EYS: variants seen among roughly 807,000 people sequenced by gnomAD.
EYS encodes protein eyes shut homolog.
Under a neutral mutation model 282.1 loss-of-function variants are expected in EYS, and 250 were observed. The observed-to-expected ratio is 0.89, with a 90% CI of 0.80 to 0.98. EYS has a LOEUF of 0.98. Among genes scored for constraint, EYS ranks in the 50% least tolerant of loss-of-function variants. EYS has a pLI of 0.00. For missense variants in EYS, 4,016 were observed against 3,709.0 expected (o/e 1.08, Z -2.15); for synonymous variants, 1,355 against 1,282.9 (o/e 1.06, Z -1.20).
intron 29 of EYS, among the ~76,000 whole-genome samples, chr6:64,346,392 G>C (rs980701892): frequency 6.6e-6 from 1 of 152,030 alleles, no homozygotes; most frequent in African/African-American, 2.4e-5. Context: ...ATGAGTTCAT[G>C]TCCTTTGTAG....
At chr6:64,449,443 C>T (rs1434936919) in intron 26 of EYS, among the ~76,000 whole-genome samples, 2 of 151,888 alleles carry the variant, frequency 1.3e-5, no homozygotes, top group Non-Finnish European at 2.9e-5. Flanking sequence ...CAGGATATTA[C>T]CCAGGAGAAC....
At chr6:64,507,410 C>G (rs1266322958) in intron 26 of EYS, among the ~76,000 whole-genome samples, 4 of 150,566 alleles carry the variant, frequency 2.7e-5, no homozygotes, top group Admixed American at 2.0e-4. Flanking sequence ...TTAAATAACT[C>G]AACAACATTT....
chr6:64,837,656 G>A (rs1583209602), intron 19 of EYS, among the ~76,000 whole-genome samples: 1 of 135,738 alleles, frequency 7.4e-6, no homozygotes, highest in Admixed American at 8.2e-5. Flanking sequence ...TATGATATAT[G>A]ATATGTATAT....
intron 36 of EYS, among the ~76,000 whole-genome samples, chr6:63,840,819 G>T (rs1301741747): frequency 6.6e-6 from 1 of 152,188 alleles, no homozygotes; most frequent in Non-Finnish European, 1.5e-5. Context: ...GAATGTCCTT[G>T]CATCTTTGTC....
intron 22 of EYS, among the ~76,000 whole-genome samples, chr6:64,657,158 C>G (rs1165568603): frequency 1.3e-5 from 2 of 152,070 alleles, no homozygotes; most frequent in Non-Finnish European, 2.9e-5. Context: ...TCTGTTTTAT[C>G]AGAGACTAGG....
chr6:64,907,838 T>TA lies in EYS; in HGVS notation c.2641+4645dup, dbSNP rs912454156. On this transcript the variant is annotated intron_variant, in intron 16 of 42. Coordinates refer to ENST00000503581, the MANE Select transcript of EYS (RefSeq NM_001142800.2). ...AGCTTGGGTTGTTCCAAAAATAAAATAAAAAAAAAAGTCTGAGATAATGAT... is the reference window on the plus strand; with the variant it reads ...AGCTTGGGTTGTTCCAAAAATAAAATAAAAAAAAAAAGTCTGAGATAATGAT... Among the ~76,000 whole-genome samples the TA allele has an allele frequency of 6.1e-4, 89 of 146,306 alleles. 2 individuals are homozygous for TA. Among genetic ancestry groups the TA allele is most frequent in the East Asian group, 1.0e-3 (5 of 5,018 alleles).
At chr6:65,311,314 G>A (rs1293135671) in intron 11 of EYS, among the ~76,000 whole-genome samples, 3 of 152,188 alleles carry the variant, frequency 2.0e-5, no homozygotes, top group East Asian at 1.9e-4. Context: ...CTATGTTAAA[G>A]GAGGATAAGT....
At chr6:64,944,659 A>T (rs1290494192) in intron 15 of EYS, among the ~76,000 whole-genome samples, 2 of 152,042 alleles carry the variant, frequency 1.3e-5, no homozygotes, top group South Asian at 2.1e-4. Context: ...TGTGCTGAGG[A>T]GGATTAGTAA....
chr6:64,269,088 G>C (rs889231767), intron 30 of EYS, among the ~76,000 whole-genome samples: 1 of 152,074 alleles, frequency 6.6e-6, no homozygotes. Flanking sequence ...CTTTCAAAGA[G>C]AGCAAAAGGT....
intron 22 of EYS, among the ~76,000 whole-genome samples, chr6:64,703,097 A>G (rs1770845389): frequency 6.6e-6 from 1 of 151,956 alleles, no homozygotes; most frequent in Non-Finnish European, 1.5e-5. Flanking sequence ...TAAGCATTTC[A>G]AGGTTTTATG....
intron 5 of EYS, among the ~76,000 whole-genome samples, chr6:65,466,782 T>G (rs537870566): frequency 6.6e-6 from 1 of 152,134 alleles, no homozygotes; most frequent in South Asian, 2.1e-4. Context: ...GAGGCCACCA[T>G]CCAGAAGAGA....
In EYS at chr6:64,448,191, G is replaced by A. The variant is rs563367776; in HGVS notation, c.5645-8839C>T. ...TGCTTTTCCAATGGGCTTATCAAAC[G>A]GCACACCAGGAGATTATATCCCGCA... On this transcript the variant is annotated intron_variant, in intron 26 of 42. Transcript: ENST00000503581. Among the ~76,000 whole-genome samples the A allele has an allele frequency of 9.8e-5, 15 of 152,310 alleles. No individual in the cohort carries two copies. In the South Asian group the frequency reaches 2.5e-3, roughly 25 times the overall value.
chr6:65,322,812 A>C (rs1769512981), intron 11 of EYS, among the ~76,000 whole-genome samples: 1 of 150,020 alleles, frequency 6.7e-6, no homozygotes, highest in African/African-American at 2.5e-5. Flanking sequence ...AAAAAAAAAA[A>C]AGAAAAAAGA....
intron 35 of EYS, among the ~76,000 whole-genome samples, chr6:63,937,526 G>A (rs1205802291): frequency 1.3e-5 from 2 of 150,520 alleles, no homozygotes; most frequent in Non-Finnish European, 3.0e-5. Context: ...GACTACAGGC[G>A]CCCGCCACCA....
intron 2 of EYS, among the ~76,000 whole-genome samples, chr6:65,518,030 C>A (rs1767208295): frequency 6.6e-6 from 1 of 151,988 alleles, no homozygotes; most frequent in Non-Finnish European, 1.5e-5. Context: ...CTTTAACAGG[C>A]TTAACATATA....
intron 12 of EYS, among the ~76,000 whole-genome samples, chr6:65,069,164 A>G (rs755264280): frequency 7.3e-5 from 11 of 151,256 alleles, no homozygotes; most frequent in Non-Finnish European, 1.3e-4. Context: ...GGGATTCAGT[A>G]TCTCCTTCCT....
At chr6:64,446,099 T>C (rs1775107876) in intron 26 of EYS, among the ~76,000 whole-genome samples, 1 of 152,238 alleles carries the variant, frequency 6.6e-6, no homozygotes. Flanking sequence ...TGCCTTTATT[T>C]CTAGAAACTC....
chr6:64,261,915 AT>A (rs1489981642), intron 30 of EYS, among the ~76,000 whole-genome samples: 2 of 151,608 alleles, frequency 1.3e-5, no homozygotes, highest in Non-Finnish European at 2.9e-5. Context: ...CACCACACGC[AT>A]GGCTAATTTT....
At chr6:64,966,162 T>G (rs1583340325) in intron 14 of EYS, among the ~76,000 whole-genome samples, 3 of 152,154 alleles carry the variant, frequency 2.0e-5, no homozygotes, top group Admixed American at 2.0e-4. Flanking sequence ...TAAATGTATG[T>G]TTTTCTGAGT....
Sources: allele counts gnomAD v4.1 joint callset (sites outside exome capture counted in the v4.1 genomes callset), GRCh38; gene constraint gnomAD v4.1.1; transcripts MANE v1.5; gene names NCBI Gene and HGNC (gene_info 2026-07-23, HGNC 2026-07-21).